PIGN: variants seen among roughly 807,000 people sequenced by gnomAD.
The protein encoded by PIGN is GPI ethanolamine phosphate transferase 1.
PIGN carries 117 observed loss-of-function variants against 125.4 expected under a neutral mutation model. The observed-to-expected ratio is 0.93, with a 90% CI of 0.80 to 1.09. The LOEUF is 1.09. Ranked by LOEUF, PIGN falls within the 50% of genes least tolerant of loss-of-function variation. The pLI is 0.00. For synonymous variants in PIGN, 392 were observed against 377.8 expected, an observed-to-expected ratio of 1.04 and a Z score of -0.44; for missense variants, 1,075 against 1,094.9, an observed-to-expected ratio of 0.98 and a Z score of 0.26.
Position 62,143,285 on chromosome 18 carries a change from TA to T in PIGN, c.963+20del. 3 of 1,316,018 alleles carry T rather than the reference TA, an allele frequency of 2.3e-6. No homozygotes were observed. Among genetic ancestry groups the T allele is most frequent in the Non-Finnish European group, 3.2e-6 (3 of 931,924 alleles). The allele number at this position is 1,316,018 out of a possible 1,614,324, so 81.5% of individuals were successfully genotyped here. A position where few individuals can be genotyped will look rare whatever the true frequency, so the allele number is the denominator to read the frequency against. On this transcript the variant is annotated intron_variant, in intron 11 of 30. Coordinates refer to ENST00000640252, the MANE Select transcript of PIGN (RefSeq NM_176787.5). ...TAGAAGATAAAATTAAATTTGAATG[TA>T]ATAAAATCGAACTGGATACCTGATT...
chr18:62,032,928 T>C (rs1034940106), intron 23 of PIGN, among the ~76,000 whole-genome samples: 2 of 152,252 alleles, frequency 1.3e-5, no homozygotes, highest in African/African-American at 4.8e-5. Flanking sequence ...ACACATTCAA[T>C]GTATGCATAT....
intron 14 of PIGN, chr18:62,135,606 G>GT (rs1197786329): frequency 7.7e-6 from 1 of 129,374 alleles, no homozygotes; most frequent in African/African-American, 2.8e-5. Context: ...CTTTTCTTTT[G>GT]TTTTTTCTTT....
chr18:62,104,249 C>T (rs1415950904), intron 20 of PIGN, among the ~76,000 whole-genome samples: 1 of 152,122 alleles, frequency 6.6e-6, no homozygotes, highest in Non-Finnish European at 1.5e-5. Context: ...AGTTTATTTG[C>T]TTCCCACATT....
At chr18:62,027,007 AGCCTG>A (rs1294678337) in intron 23 of PIGN, among the ~76,000 whole-genome samples, 9 of 152,208 alleles carry the variant, frequency 5.9e-5, no homozygotes, top group African/African-American at 1.9e-4. Flanking sequence ...GTTCGAGACC[AGCCTG>A]GCCAACATGG....
intron 20 of PIGN, chr18:62,103,570 T>C (rs777094775): frequency 6.6e-6 from 1 of 152,188 alleles, no homozygotes; most frequent in Non-Finnish European, 1.5e-5. Context: ...TGGTGCCCTA[T>C]TGTTGAGCTC....
intron 30 of PIGN, among the ~76,000 whole-genome samples, chr18:62,067,703 A>C (rs1403523088): frequency 3.3e-5 from 5 of 152,160 alleles, no homozygotes; most frequent in Non-Finnish European, 1.5e-5. Context: ...GCAATAGCAC[A>C]ATTTGTTTAC....
At chr18:62,036,072 A>T (rs902387506) in intron 23 of PIGN, among the ~76,000 whole-genome samples, 2 of 152,240 alleles carry the variant, frequency 1.3e-5, no homozygotes, top group African/African-American at 4.8e-5. Flanking sequence ...TTTCAGATAC[A>T]GGAGGAAAAG....
intron 14 of PIGN, among the ~76,000 whole-genome samples, chr18:62,130,476 C>T (rs1599590997): frequency 6.6e-6 from 1 of 151,786 alleles, no homozygotes; most frequent in Non-Finnish European, 1.5e-5. Context: ...CCTTTATTGA[C>T]TAAATTGTTT....
chr18:62,049,813 T>C (rs1267301699), intron 30 of PIGN, among the ~76,000 whole-genome samples: 1 of 150,960 alleles, frequency 6.6e-6, no homozygotes, highest in Non-Finnish European at 1.5e-5. Flanking sequence ...GGTTTTCTTC[T>C]AGGGTTTTTA....
chr18:62,022,602 G>T (rs1203715859), intron 23 of PIGN, among the ~76,000 whole-genome samples: 1 of 152,094 alleles, frequency 6.6e-6, no homozygotes, highest in Non-Finnish European at 1.5e-5. Flanking sequence ...GAAAAATTAT[G>T]GTTGCTCTGT....
chr18:62,133,184 C>G (rs1247399404), intron 14 of PIGN, among the ~76,000 whole-genome samples: 1 of 152,168 alleles, frequency 6.6e-6, no homozygotes, highest in Non-Finnish European at 1.5e-5. Context: ...TAAAGGTAGG[C>G]TAGACTAAGC....
chr18:62,150,601 AT>A, intron 7 of PIGN, among the ~76,000 whole-genome samples: 1 of 152,348 alleles, frequency 6.6e-6, no homozygotes, highest in East Asian at 1.9e-4. Flanking sequence ...GATTCCAGTT[AT>A]GATATAAGGT....
chr18:62,113,221 A>C lies in PIGN; in HGVS notation c.1347T>G (p.Ile449Met). The change falls in exon 16 of 31, where the codon ATT becomes ATG. Residue 449 changes from isoleucine (I) to methionine (M), a missense_variant. Transcript: ENST00000640252. ...DRFFLGVNVV[I>M]GFVGWISYAS... ...CATAAGATATCCATCCCACAAAACCAATAACAACATTGACGCCCAAAAAGA... is the reference window on the plus strand; with the variant it reads ...CATAAGATATCCATCCCACAAAACCCATAACAACATTGACGCCCAAAAAGA... 6.2e-7 allele frequency: 1 copy of C among 1,613,112 alleles called. No homozygotes were observed. Among genetic ancestry groups the C allele is most frequent in the Non-Finnish European group, 8.5e-7 (1 of 1,179,418 alleles).
At chr18:62,059,615 G>A (rs947100368) in intron 30 of PIGN, among the ~76,000 whole-genome samples, 3 of 152,206 alleles carry the variant, frequency 2.0e-5, no homozygotes, top group Non-Finnish European at 4.4e-5. Flanking sequence ...TGTAGAGACA[G>A]AAAGCAGATT....
chr18:62,047,547 A>C (rs1314188005), intron 30 of PIGN, among the ~76,000 whole-genome samples: 2 of 152,142 alleles, frequency 1.3e-5, no homozygotes, highest in Admixed American at 1.3e-4. Flanking sequence ...TGAAGGCAGT[A>C]GTGGAGGCCT....
At chr18:62,173,697 G>A (rs1188677350) in intron 1 of PIGN, among the ~76,000 whole-genome samples, 1 of 152,194 alleles carries the variant, frequency 6.6e-6, no homozygotes, top group East Asian at 1.9e-4. Context: ...CGTATGTCAA[G>A]TACCTAGCCC....
At chr18:62,102,169 T>C (rs1028355603) in intron 21 of PIGN, among the ~76,000 whole-genome samples, 22 of 151,222 alleles carry the variant, frequency 1.5e-4, no homozygotes, top group African/African-American at 3.6e-4. Flanking sequence ...AGGGGTTGCA[T>C]TGAGCTGAGA....
intron 29 of PIGN, 151 bp downstream of exon 29, chr18:62,074,628 T>C (rs761265904): frequency 6.0e-6 from 3 of 500,732 alleles, no homozygotes; most frequent in African/African-American, 2.0e-5. Context: ...ATAACTAATA[T>C]AAAAGAACAT....
chr18:62,096,084 C>T, intron 22 of PIGN, 134 bp from the exon 23 acceptor site: 1 of 498,092 alleles, frequency 2.0e-6, no homozygotes, highest in Non-Finnish European at 3.7e-6. Flanking sequence ...CACCTGAGGT[C>T]AGGAGTTCGA....
Sources: gnomAD v4.1 joint callset for allele counts (sites outside exome capture counted in the v4.1 genomes callset) on GRCh38, gnomAD v4.1.1 for gene constraint, MANE v1.5 for transcripts, NCBI Gene and HGNC (gene_info 2026-07-23, HGNC 2026-07-21) for gene names.